Variants in COLGALT2 observed in about 807,000 individuals in gnomAD.
COLGALT2 encodes collagen beta(1-O)galactosyltransferase 2, also known as procollagen galactosyltransferase 2.
COLGALT2 carries 49 observed loss-of-function variants against 73.4 expected under a neutral mutation model. The ratio of observed to expected loss-of-function variants is 0.67; its 90% CI spans 0.53 to 0.85. The LOEUF (loss-of-function observed/expected upper bound fraction) is 0.85. COLGALT2 is among the 40% of genes least tolerant of loss of function. COLGALT2 has a pLI of 0.00. For missense variants in COLGALT2, 722 were observed against 790.2 expected, an observed-to-expected ratio of 0.91 and a Z score of 1.03; for synonymous variants, 295 against 307.6, an observed-to-expected ratio of 0.96 and a Z score of 0.43.
At chr1:183,973,377 C>G (rs74130438) in intron 4 of COLGALT2, among the ~76,000 whole-genome samples, 1 of 151,968 alleles carries the variant, frequency 6.6e-6, no homozygotes, top group Non-Finnish European at 1.5e-5. Flanking sequence ...GCTAATTTGA[C>G]GTTTCTAAGG....
intron 1 of COLGALT2, among the ~76,000 whole-genome samples, chr1:184,021,724 GC>G (rs1171136603): frequency 5.9e-5 from 9 of 152,176 alleles, no homozygotes; most frequent in Middle Eastern, 3.2e-3. Flanking sequence ...AATGACTACT[GC>G]CCCCTTCACT....
At chr1:183,982,299 C>T (rs1246126529) in intron 1 of COLGALT2, among the ~76,000 whole-genome samples, 1 of 152,098 alleles carries the variant, frequency 6.6e-6, no homozygotes, top group Non-Finnish European at 1.5e-5. Context: ...CAGAAAGCAA[C>T]GTGGAAGAAG....
At chr1:183,962,225 T>C (rs1670729522) in intron 6 of COLGALT2, among the ~76,000 whole-genome samples, 1 of 140,628 alleles carries the variant, frequency 7.1e-6, no homozygotes, top group South Asian at 2.4e-4. Flanking sequence ...AATGGCGCGA[T>C]CTTGGCTCAC....
At chr1:184,029,931 T>C (rs1029222796) in intron 1 of COLGALT2, among the ~76,000 whole-genome samples, 1 of 152,184 alleles carries the variant, frequency 6.6e-6, no homozygotes, top group Non-Finnish European at 1.5e-5. Flanking sequence ...GAACTGGATA[T>C]GTAAAACACT....
intron 1 of COLGALT2, among the ~76,000 whole-genome samples, chr1:183,982,753 T>C (rs1368457617): frequency 6.6e-6 from 1 of 152,134 alleles, no homozygotes; most frequent in Admixed American, 6.5e-5. Flanking sequence ...ACTATGCCTG[T>C]GAATAGTCAC....
intron 6 of COLGALT2, among the ~76,000 whole-genome samples, chr1:183,961,062 C>A (rs569010655): frequency 6.6e-6 from 1 of 152,244 alleles, no homozygotes; most frequent in East Asian, 1.9e-4. Flanking sequence ...GACTTCTAGG[C>A]CATATTTCTT....
At chr1:183,939,406 C>T (rs539288812) in intron 11 of COLGALT2, among the ~76,000 whole-genome samples, 1 of 152,320 alleles carries the variant, frequency 6.6e-6, no homozygotes, top group African/African-American at 2.4e-5. Context: ...CACATCTGGA[C>T]AGCAGTGATG....
chr1:183,951,186 G>C (rs1242914589), intron 7 of COLGALT2, 73 bp from the exon 8 acceptor site: 3 of 1,105,992 alleles, frequency 2.7e-6, no homozygotes, highest in Non-Finnish European at 4.2e-6. Flanking sequence ...GAAAAGTTTA[G>C]TAAATGTTTT....
intron 1 of COLGALT2, among the ~76,000 whole-genome samples, chr1:184,020,662 T>C (rs1410697989): frequency 1.3e-5 from 2 of 152,220 alleles, no homozygotes; most frequent in African/African-American, 2.4e-5. Flanking sequence ...TCTGGTTTAC[T>C]TTCTCCTTAA....
chr1:183,937,926 G>C lies in COLGALT2; in HGVS notation c.*835C>G. On this transcript the variant is annotated 3_prime_UTR_variant, in exon 12 of 12. Transcript: ENST00000361927. ...AAGCTCTGTAGCAGCGCGCAAACCCGGGACAGGGCAGGATGCACAGCCAGT... is the reference window on the plus strand; with the variant it reads ...AAGCTCTGTAGCAGCGCGCAAACCCCGGACAGGGCAGGATGCACAGCCAGT... The C allele has an allele frequency of 1.0e-6, 1 of 985,374 alleles. No homozygotes were observed. The highest frequency in any genetic ancestry group is 1.2e-6 in the Non-Finnish European group (1 of 829,926). The allele number at this position is 985,374 out of a possible 1,614,324, so 61.0% of individuals were successfully genotyped here.
At chr1:183,992,048 G>T (rs1439025058) in intron 1 of COLGALT2, among the ~76,000 whole-genome samples, 1 of 152,128 alleles carries the variant, frequency 6.6e-6, no homozygotes, top group Admixed American at 6.5e-5. Flanking sequence ...AGAGAGGGGA[G>T]CAGTGAGAGC....
chr1:184,014,881 T>C (rs182226330), intron 1 of COLGALT2, among the ~76,000 whole-genome samples: 1 of 152,164 alleles, frequency 6.6e-6, no homozygotes, highest in Admixed American at 6.5e-5. Flanking sequence ...ACTGAAAATG[T>C]CCATGGAAAT....
At position 183,977,163 on chromosome 1, in the gene COLGALT2, T is replaced by C. The variant is rs151282568; in HGVS notation, c.374+1247A>G. 6.0e-3 allele frequency among the ~76,000 whole-genome samples: 919 copies of C among 152,188 alleles called. 7 individuals are homozygous for C. The highest frequency in any genetic ancestry group is 0.019 in the African/African-American group (790 of 41,504). On this transcript the variant is annotated intron_variant, in intron 2 of 11. Coordinates refer to ENST00000361927, the MANE Select transcript of COLGALT2 (RefSeq NM_015101.4). ...TATGGTATGTAGGATGACTTGGAGA[T>C]AGAAGCAATTAATAAATTGCTATGG... is the stretch of plus-strand genomic sequence containing the variant.
Position 183,940,617 on chromosome 1 carries a change from T to C in COLGALT2, c.1568A>G (p.Asp523Gly). 6.2e-7 allele frequency: 1 copy of C among 1,614,186 alleles called. No individual in the cohort carries two copies. Among genetic ancestry groups the C allele is most frequent in the Non-Finnish European group, 8.5e-7 (1 of 1,180,032 alleles). ...GTTGTACATGACTGGCAGAAACTCA[T>C]CCACTGGCAGCATCTTCCCAAAAGG... ...ANPFGKMLPV[D>G]EFLPVMYNKH... Residue 523 changes from aspartate (D) to glycine (G), a missense_variant, in exon 11 of 12, where the codon GAT becomes GGT. By Grantham distance (94) the Asp-to-Gly change is moderately conservative. Coordinates refer to ENST00000361927, the MANE Select transcript of COLGALT2 (RefSeq NM_015101.4).
chr1:183,969,415 C>A lies in COLGALT2; in HGVS notation c.686G>T (p.Cys229Phe). Residue 229 changes from cysteine to phenylalanine, a missense_variant, in exon 5 of 12, where the codon TGC (cysteine) becomes TTC (phenylalanine). Coordinates refer to ENST00000361927, the MANE Select transcript of COLGALT2 (RefSeq NM_015101.4). ...VQIREWKRTGCFPVPMVHSTF... is the reference protein window; with the variant it reads ...VQIREWKRTGFFPVPMVHSTF... The stretch of plus-strand genomic sequence containing the variant: ...GGAGTGGACCATGGGGACGGGGAAG[C>A]AGCCTGTCCTCTTCCATTCTCGAAT... The A allele has an allele frequency of 1.2e-6, 2 of 1,613,772 alleles. No homozygotes were observed. Among genetic ancestry groups the A allele is most frequent in the Non-Finnish European group, 1.7e-6 (2 of 1,179,800 alleles).
chr1:183,940,692 A>C lies in COLGALT2; in HGVS notation c.1493T>G (p.Leu498Arg). 2.5e-6 allele frequency: 4 copies of C among 1,614,240 alleles called. No homozygotes were observed. Among genetic ancestry groups the C allele is most frequent in the Non-Finnish European group, 3.4e-6 (4 of 1,180,044 alleles). ...TCCTTCCAGAGAGATGACGTAGCCC[A>C]GGGTCCAGTAGGAATAGTCGGCTTC... ...LVEADYSYWT[L>R]GYVISLEGAQ... The change falls in exon 11 of 12, where the codon CTG becomes CGG. Residue 498 changes from leucine to arginine, a missense_variant. By Grantham distance (102) the Leu-to-Arg change is moderately radical. Transcript: ENST00000361927.
In COLGALT2 at chr1:183,944,300, C is replaced by T; in HGVS notation, c.1293G>A (p.Lys431=). The part of the protein sequence containing the change: ...WKEVIDRELE[K]TLVIEDDVRF... ...GCACATCGTCTTCAATTACAAGAGT[C>T]TTCTCTAGCTCTCGATCAATTACCT... Residue 431 remains lysine, a synonymous_variant, in exon 10 of 12, where the codon AAG becomes AAA. Coordinates refer to ENST00000361927, the MANE Select transcript of COLGALT2 (RefSeq NM_015101.4). The T allele has an allele frequency of 6.2e-7, 1 of 1,613,548 alleles. No individual in the cohort carries two copies. The highest frequency in any genetic ancestry group is 1.1e-5 in the South Asian group (1 of 90,876).
rs1453762950 is a variant in COLGALT2, at chr1:183,930,252, GTGTT to G, written c.1638_1641del (p.Gln546HisfsTer15). On this transcript the variant is annotated frameshift_variant, in exon 12 of 12. Coordinates refer to the COLGALT2 transcript ENST00000649786. LOFTEE classifies it low-confidence loss of function (END_TRUNC). ...GTTCACCGTTGGCAGTCATCAGAAAGTGTTTGGAAGAGATGGCAGTGAGGACTTG... is the reference window on the plus strand; with the variant it reads ...GTTCACCGTTGGCAGTCATCAGAAAGTGGAAGAGATGGCAGTGAGGACTTG... 4.4e-6 allele frequency: 2 copies of G among 456,300 alleles called. No homozygotes were observed. The highest frequency in any genetic ancestry group is 8.8e-6 in the Non-Finnish European group (2 of 226,966). 28.3% of individuals were successfully genotyped at this position (456,300 alleles called of 1,614,324 possible).
At chr1:184,003,253 GA>G (rs1671977962) in intron 1 of COLGALT2, among the ~76,000 whole-genome samples, 1 of 152,154 alleles carries the variant, frequency 6.6e-6, no homozygotes, top group South Asian at 2.1e-4. Flanking sequence ...AAGCAGAAGT[GA>G]CACTGTCTGA....
Sources: gnomAD v4.1 joint callset for allele counts (sites outside exome capture counted in the v4.1 genomes callset) on GRCh38, gnomAD v4.1.1 for gene constraint, MANE v1.5 for transcripts, NCBI Gene and HGNC (gene_info 2026-07-23, HGNC 2026-07-21) for gene names.